Variants in COL4A6 observed in about 807,000 individuals in gnomAD.
COL4A6 encodes the protein collagen type IV alpha 6 chain.
COL4A6 carries 59 observed loss-of-function variants against 126.7 expected under a neutral mutation model. The ratio of observed to expected loss-of-function variants is 0.47; its 90% CI spans 0.38 to 0.58. The LOEUF (loss-of-function observed/expected upper bound fraction) is 0.58, where lower values mean the gene tolerates loss of function less well. Ranked by LOEUF, COL4A6 falls within the 20% of genes least tolerant of loss-of-function variation. The pLI is 0.00. For synonymous variants in COL4A6, 547 were observed against 496.6 expected, an observed-to-expected ratio of 1.10 and a Z score of -1.35; for missense variants, 1,285 against 1,337.3, an observed-to-expected ratio of 0.96 and a Z score of 0.61.
chrX:108,384,060 C>A, intron 2 of COL4A6: 1 of 425,337 alleles, frequency 2.4e-6, no homozygotes, highest in Non-Finnish European at 3.7e-6. Context: ...TCTATGCATT[C>A]ATTCATCCAG....
At chrX:108,250,521 C>T (rs1402291647) in intron 3 of COL4A6, among the ~76,000 whole-genome samples, 2 of 110,689 alleles carry the variant, frequency 1.8e-5, no homozygotes, top group East Asian at 2.9e-4. Flanking sequence ...CCCTAAAGCA[C>T]CATTCCTTTG....
At chrX:108,438,080 C>T in intron 1 of COL4A6, 87 bp from the exon 2 acceptor site, 1 of 1,201,024 alleles carries the variant, frequency 8.3e-7, no homozygotes, top group Non-Finnish European at 1.1e-6. Context: ...TTTTGGATGC[C>T]TGCTCCCAAT....
chrX:108,426,475 A>G (rs753486709), intron 2 of COL4A6, among the ~76,000 whole-genome samples: 137 of 112,020 alleles, frequency 1.2e-3, no homozygotes, highest in African/African-American at 4.3e-3. Context: ...GGGAACTGGG[A>G]CTTCAAAGAT....
At chrX:108,172,443 T>G (rs1003232524) in intron 32 of COL4A6, 26 bp downstream of exon 32, 13 of 1,140,077 alleles carry the variant, frequency 1.1e-5, no homozygotes, top group Non-Finnish European at 1.4e-5. Flanking sequence ...AAGAAAACAT[T>G]AAAAGAAAAA....
upstream of COL4A6, among the ~76,000 whole-genome samples, chrX:108,438,814 C>A: frequency 8.9e-6 from 1 of 112,526 alleles, no homozygotes. Flanking sequence ...CTGAGCTAAG[C>A]AGAACCTAAG....
chrX:108,293,598 C>T (rs1035468693), intron 3 of COL4A6, among the ~76,000 whole-genome samples: 3 of 105,685 alleles, frequency 2.8e-5, no homozygotes, highest in Admixed American at 9.8e-5. Context: ...TTTGGGACTT[C>T]GGATTCTACC....
At chrX:108,325,125 G>A (rs1224986709) in intron 2 of COL4A6, among the ~76,000 whole-genome samples, 1 of 111,503 alleles carries the variant, frequency 9.0e-6, no homozygotes, top group Non-Finnish European at 1.9e-5. Flanking sequence ...TGGTTGGTGG[G>A]AATGGACTTT....
At chrX:108,434,713 T>C (rs2064232415) in intron 2 of COL4A6, among the ~76,000 whole-genome samples, 1 of 108,940 alleles carries the variant, frequency 9.2e-6, no homozygotes, top group Non-Finnish European at 1.9e-5. Flanking sequence ...CATTTGATGA[T>C]TTACTTAATA....
intron 42 of COL4A6, among the ~76,000 whole-genome samples, chrX:108,161,259 A>C (rs1447762535): frequency 2.7e-5 from 3 of 111,697 alleles, no homozygotes; most frequent in Non-Finnish European, 5.6e-5. Flanking sequence ...AAGTGTTGTT[A>C]TCCCTTGAAC....
chrX:108,337,500 T>A (rs1037848027), intron 2 of COL4A6, among the ~76,000 whole-genome samples: 3 of 113,019 alleles, frequency 2.7e-5, no homozygotes, highest in African/African-American at 9.6e-5. Context: ...TAAAATCAGA[T>A]GAGTTCTTGC....
chrX:108,222,401 C>T (rs779778098), intron 3 of COL4A6, among the ~76,000 whole-genome samples: 4 of 112,383 alleles, frequency 3.6e-5, no homozygotes, highest in African/African-American at 1.3e-4. Flanking sequence ...TCCATCATTT[C>T]CTACAAATCT....
chrX:108,217,483 C>A (rs1273631793), intron 5 of COL4A6, among the ~76,000 whole-genome samples: 2 of 111,189 alleles, frequency 1.8e-5, no homozygotes, highest in Non-Finnish European at 1.9e-5. Flanking sequence ...AGAGTGTTTA[C>A]TCTATGCAGA....
chrX:108,161,935 G>A (rs1307050328), intron 41 of COL4A6, among the ~76,000 whole-genome samples, 200 bp from the exon 42 acceptor site: 1 of 112,262 alleles, frequency 8.9e-6, no homozygotes, highest in African/African-American at 3.3e-5. Context: ...TCTGCCCTGG[G>A]GCAGTGCCCT....
intron 2 of COL4A6, among the ~76,000 whole-genome samples, chrX:108,321,173 C>T (rs1276147138): frequency 1.8e-5 from 2 of 111,897 alleles, no homozygotes; most frequent in African/African-American, 6.5e-5. Context: ...TAGTACTGTG[C>T]ATGTGGATGC....
chrX:108,307,440 G>C (rs2038653257), intron 3 of COL4A6, among the ~76,000 whole-genome samples: 1 of 112,233 alleles, frequency 8.9e-6, no homozygotes, highest in Non-Finnish European at 1.9e-5. Context: ...CTTTTACCAG[G>C]CAGGGCATAC....
chrX:108,294,416 TG>T (rs2038261853), intron 3 of COL4A6, among the ~76,000 whole-genome samples: 4 of 75,164 alleles, frequency 5.3e-5, no homozygotes, highest in East Asian at 1.6e-3. Context: ...TTTTTTTTGG[TG>T]TGTGTGTGTG....
chrX:108,180,466 CACACAT>C, intron 25 of COL4A6, 43 bp downstream of exon 25: 2 of 987,611 alleles, frequency 2.0e-6, no homozygotes, highest in Admixed American at 2.4e-5. Flanking sequence ...CACACACACA[CACACAT>C]ACACACAAAG....
intron 24 of COL4A6, 44 bp from the exon 25 acceptor site, chrX:108,180,666 G>A: frequency 9.7e-7 from 1 of 1,028,707 alleles, no homozygotes; most frequent in Non-Finnish European, 1.3e-6. Flanking sequence ...GAAAGTCGGT[G>A]TGCTAGGTAT....
At chrX:108,205,332 C>T in intron 11 of COL4A6, 107 bp downstream of exon 11, 2 of 669,411 alleles carry the variant, frequency 3.0e-6, no homozygotes, top group Non-Finnish European at 2.4e-6. Context: ...TATTCATTTC[C>T]CAAGGCGAAA....
Sources: gnomAD v4.1 joint callset for allele counts (sites outside exome capture counted in the v4.1 genomes callset) on GRCh38, gnomAD v4.1.1 for gene constraint, MANE v1.5 for transcripts, NCBI Gene and HGNC (gene_info 2026-07-23, HGNC 2026-07-21) for gene names.